PLEKHA5: variants seen among roughly 807,000 people sequenced by gnomAD.
PLEKHA5 encodes the protein pleckstrin homology domain-containing family A member 5.
PLEKHA5 carries 55 observed loss-of-function variants against 181.9 expected under a neutral mutation model. The observed-to-expected ratio is 0.30, with a 90% CI of 0.24 to 0.38. The LOEUF (loss-of-function observed/expected upper bound fraction) is 0.38. PLEKHA5 is among the 10% of genes least tolerant of loss of function. The probability of loss-of-function intolerance (pLI) is 1.00; values close to 1 mark genes in which losing one functional copy is unlikely to be tolerated. For missense variants in PLEKHA5, 1,432 were observed against 1,549.5 expected, an observed-to-expected ratio of 0.92 and a Z score of 1.27; for synonymous variants, 535 against 529.4, an observed-to-expected ratio of 1.01 and a Z score of -0.15.
At chr12:19,352,567 A>T (rs2094657317) in intron 25 of PLEKHA5, among the ~76,000 whole-genome samples, 1 of 143,926 alleles carries the variant, frequency 6.9e-6, no homozygotes. Flanking sequence ...TATCAGTATG[A>T]CAAAGAAGGC....
chr12:19,368,158 A>G (rs1354185057), intron 30 of PLEKHA5, among the ~76,000 whole-genome samples: 1 of 152,144 alleles, frequency 6.6e-6, no homozygotes. Context: ...CCTTGTAACA[A>G]ATACTAAGCA....
chr12:19,254,464 A>G (rs2066282213), intron 4 of PLEKHA5, among the ~76,000 whole-genome samples: 1 of 152,238 alleles, frequency 6.6e-6, no homozygotes, highest in African/African-American at 2.4e-5. Context: ...ATAATCTCAT[A>G]ATTCATTTTT....
chr12:19,293,838 C>T (rs1042936898), intron 15 of PLEKHA5, among the ~76,000 whole-genome samples: 5 of 152,146 alleles, frequency 3.3e-5, no homozygotes, highest in African/African-American at 9.7e-5. Context: ...ACCTAAATGA[C>T]CTAGACCTCG....
At chr12:19,241,048 C>T (rs977214805) in intron 3 of PLEKHA5, among the ~76,000 whole-genome samples, 2 of 152,094 alleles carry the variant, frequency 1.3e-5, no homozygotes, top group Non-Finnish European at 2.9e-5. Flanking sequence ...GTTCCTTATT[C>T]ATTAAATTAC....
At chr12:19,299,178 A>G (rs763503673) in intron 15 of PLEKHA5, among the ~76,000 whole-genome samples, 5 of 152,242 alleles carry the variant, frequency 3.3e-5, no homozygotes, top group Non-Finnish European at 5.9e-5. Flanking sequence ...TTCTCCTAAA[A>G]TCTTGTCTGC....
At chr12:19,178,628 G>T (rs764479859) in intron 3 of PLEKHA5, among the ~76,000 whole-genome samples, 1 of 152,186 alleles carries the variant, frequency 6.6e-6, no homozygotes. Context: ...TCTAGTGAGA[G>T]ATCCAGGATT....
intron 15 of PLEKHA5, chr12:19,306,666 G>T (rs2083818363): frequency 1.4e-6 from 2 of 1,456,238 alleles, no homozygotes; most frequent in South Asian, 1.2e-5. Context: ...TGATCTCCCC[G>T]GGCGCTAGCT....
chr12:19,329,798 CTGGTG>C (rs944323463), intron 20 of PLEKHA5, among the ~76,000 whole-genome samples: 1 of 151,892 alleles, frequency 6.6e-6, no homozygotes, highest in Non-Finnish European at 1.5e-5. Context: ...TTTCCCCAGG[CTGGTG>C]TGGTGGCTCA....
At chr12:19,368,659 G>A (rs7305414) in intron 30 of PLEKHA5, among the ~76,000 whole-genome samples, 1 of 152,082 alleles carries the variant, frequency 6.6e-6, no homozygotes, top group Non-Finnish European at 1.5e-5. Flanking sequence ...AGGCATGGTG[G>A]CCATGCCTGT....
intron 3 of PLEKHA5, among the ~76,000 whole-genome samples, chr12:19,172,355 A>G (rs901393748): frequency 3.4e-5 from 5 of 147,810 alleles, no homozygotes; most frequent in Non-Finnish European, 6.0e-5. Context: ...AAATGTCATT[A>G]TGTGGTTCAT....
At chr12:19,235,114 C>T (rs2061218401) in intron 3 of PLEKHA5, among the ~76,000 whole-genome samples, 1 of 152,164 alleles carries the variant, frequency 6.6e-6, no homozygotes, top group Non-Finnish European at 1.5e-5. Context: ...TCATGAATCA[C>T]TACTTCTCTA....
rs149439650 is a variant in PLEKHA5, at chr12:19,276,615, C to T, written c.1313+1632C>T. Among the ~76,000 whole-genome samples the T allele has an allele frequency of 3.8e-3, 583 of 152,254 alleles. 3 individuals are homozygous for T. Among genetic ancestry groups the T allele is most frequent in the African/African-American group, 0.014 (564 of 41,554 alleles). Reference sequence around the variant, plus strand: ...CTGAGGCAGGAGAATCTCTTGAACCCGGGAGGCAGAGGTTGCAGTGAGCCA... The same window carrying T: ...CTGAGGCAGGAGAATCTCTTGAACCTGGGAGGCAGAGGTTGCAGTGAGCCA... On this transcript the variant is annotated intron_variant, in intron 11 of 31. Coordinates refer to ENST00000429027, the MANE Select transcript of PLEKHA5 (RefSeq NM_001256470.2).
At chr12:19,302,290 A>G (rs2081716079) in intron 15 of PLEKHA5, among the ~76,000 whole-genome samples, 1 of 152,248 alleles carries the variant, frequency 6.6e-6, no homozygotes, top group African/African-American at 2.4e-5. Flanking sequence ...GTATCCACCC[A>G]CACTGTTCAA....
intron 3 of PLEKHA5, among the ~76,000 whole-genome samples, chr12:19,170,640 G>A (rs754417309): frequency 6.6e-6 from 1 of 152,144 alleles, no homozygotes; most frequent in African/African-American, 2.4e-5. Flanking sequence ...GGATAGTCTC[G>A]ATCTCTTGAC....
intron 3 of PLEKHA5, among the ~76,000 whole-genome samples, chr12:19,138,724 A>G (rs1340030234): frequency 2.0e-5 from 3 of 152,090 alleles, no homozygotes; most frequent in Non-Finnish European, 4.4e-5. Context: ...AGATGAGTTG[A>G]TAAGACTGGG....
chr12:19,241,382 G>A (rs528734323), intron 3 of PLEKHA5, among the ~76,000 whole-genome samples: 15 of 152,274 alleles, frequency 9.9e-5, no homozygotes, highest in African/African-American at 3.1e-4. Flanking sequence ...GTTACAATGA[G>A]GTGGATTCAG....
At chr12:19,294,619 T>TA (rs1167152450) in intron 15 of PLEKHA5, among the ~76,000 whole-genome samples, 1 of 152,160 alleles carries the variant, frequency 6.6e-6, no homozygotes, top group Non-Finnish European at 1.5e-5. Flanking sequence ...TGTGAGGTAT[T>TA]ACAATAATCA....
chr12:19,263,295 G>T (rs1025909238), intron 7 of PLEKHA5, among the ~76,000 whole-genome samples: 1 of 152,034 alleles, frequency 6.6e-6, no homozygotes, highest in Non-Finnish European at 1.5e-5. Flanking sequence ...CATTGCACGC[G>T]AGGGGAAACT....
Position 19,375,680 on chromosome 12 carries a change from G to A in PLEKHA5, c.*161G>A, listed in dbSNP as rs2095697272. On this transcript the variant is annotated 3_prime_UTR_variant, in exon 32 of 32. Coordinates refer to ENST00000429027, the MANE Select transcript of PLEKHA5 (RefSeq NM_001256470.2). ...CATCATTTTATCACTTCTGGAAAAT[G>A]TTTATTCCAAAACAGCTTTAATGGC... is the stretch of plus-strand genomic sequence containing the variant. The A allele has an allele frequency of 6.6e-6, 1 of 152,526 alleles. No homozygotes were observed. The highest frequency in any genetic ancestry group is 2.4e-5 in the African/African-American group (1 of 41,408). The allele number at this position is 152,526 out of a possible 1,614,324, so 9.4% of individuals were successfully genotyped here.
Sources: allele counts gnomAD v4.1 joint callset (sites outside exome capture counted in the v4.1 genomes callset), GRCh38; gene constraint gnomAD v4.1.1; transcripts MANE v1.5; gene names NCBI Gene and HGNC (gene_info 2026-07-23, HGNC 2026-07-21).